ARIH1: variants seen among roughly 807,000 people sequenced by gnomAD.
The protein encoded by ARIH1 is ariadne RBR E3 ubiquitin protein ligase 1.
Under a neutral mutation model 85.0 loss-of-function variants are expected in ARIH1, and 8 were observed. That is an observed-to-expected ratio of 0.09 (90% CI 0.06 to 0.17). The LOEUF (loss-of-function observed/expected upper bound fraction) is 0.17. ARIH1 is among the 10% of genes least tolerant of loss of function. The pLI is 1.00. For missense variants in ARIH1, 311 were observed against 718.1 expected, an observed-to-expected ratio of 0.43 and a Z score of 6.48; for synonymous variants, 238 against 253.6, an observed-to-expected ratio of 0.94 and a Z score of 0.59.
intron 2 of ARIH1, among the ~76,000 whole-genome samples, chr15:72,537,031 A>T (rs1447925731): frequency 6.6e-6 from 1 of 151,942 alleles, no homozygotes; most frequent in Non-Finnish European, 1.5e-5. Context: ...TTTTTTAGAG[A>T]TTAGCTTAAG....
chr15:72,561,941 C>T (rs542811075), intron 6 of ARIH1, among the ~76,000 whole-genome samples: 1 of 152,054 alleles, frequency 6.6e-6, no homozygotes, highest in African/African-American at 2.4e-5. Flanking sequence ...CCACTGCACT[C>T]CAGCCTGGGT....
intron 2 of ARIH1, among the ~76,000 whole-genome samples, chr15:72,522,484 C>A (rs2064004686): frequency 2.0e-5 from 3 of 151,838 alleles, no homozygotes; most frequent in African/African-American, 7.3e-5. Flanking sequence ...TGTGCCATTG[C>A]ACTACAGCCT....
At chr15:72,508,971 G>A (rs549783032) in intron 1 of ARIH1, among the ~76,000 whole-genome samples, 2 of 151,400 alleles carry the variant, frequency 1.3e-5, no homozygotes, top group East Asian at 1.9e-4. Flanking sequence ...TGGGATTACA[G>A]GTGTGAGCCA....
intron 2 of ARIH1, among the ~76,000 whole-genome samples, chr15:72,522,140 A>G (rs1247863397): frequency 6.6e-6 from 1 of 152,216 alleles, no homozygotes; most frequent in Non-Finnish European, 1.5e-5. Context: ...TTAAATAATG[A>G]GAATACAAAG....
intron 2 of ARIH1, among the ~76,000 whole-genome samples, chr15:72,540,905 A>T (rs751277155): frequency 2.0e-4 from 30 of 152,346 alleles, no homozygotes; most frequent in Middle Eastern, 6.8e-3. Flanking sequence ...AGTACATGCT[A>T]TCTAAAGCAC....
intron 2 of ARIH1, among the ~76,000 whole-genome samples, chr15:72,539,293 A>G (rs980783538): frequency 2.0e-5 from 3 of 152,222 alleles, no homozygotes; most frequent in Non-Finnish European, 2.9e-5. Flanking sequence ...CTATTCTTCT[A>G]TGCCTGGACT....
At chr15:72,511,196 TTATACC>T (rs2063949207) in intron 1 of ARIH1, among the ~76,000 whole-genome samples, 1 of 152,230 alleles carries the variant, frequency 6.6e-6, no homozygotes, top group East Asian at 1.9e-4. Context: ...CATATTAAAT[TTATACC>T]TATGTATTTC....
At chr15:72,487,601 T>C (rs762763985) in intron 1 of ARIH1, among the ~76,000 whole-genome samples, 1 of 152,198 alleles carries the variant, frequency 6.6e-6, no homozygotes, top group Non-Finnish European at 1.5e-5. Flanking sequence ...AGAACCATTC[T>C]TGGGATTTGA....
chr15:72,583,414 C>G lies in ARIH1; in HGVS notation c.*122C>G, dbSNP rs1351016894. ...ATTCTGACACCACTGGTCTGTAGTA[C>G]CAGAATTGTTTTGTTAATGGAAAGT... On this transcript the variant is annotated 3_prime_UTR_variant, in exon 14 of 14. Transcript: ENST00000379887. The G allele has an allele frequency of 1.5e-6, 1 of 655,164 alleles. No individual in the cohort carries two copies. The highest frequency in any genetic ancestry group is 2.6e-6 in the Non-Finnish European group (1 of 386,514). 40.6% of individuals were successfully genotyped at this position (655,164 alleles called of 1,614,324 possible).
chr15:72,554,331 T>C (rs1370156807), intron 3 of ARIH1, among the ~76,000 whole-genome samples: 3 of 152,188 alleles, frequency 2.0e-5, no homozygotes, highest in Non-Finnish European at 4.4e-5. Context: ...TACATTTCCA[T>C]CAACAGTGTA....
chr15:72,515,443 T>C (rs1238700337), intron 1 of ARIH1, among the ~76,000 whole-genome samples: 1 of 152,264 alleles, frequency 6.6e-6, no homozygotes, highest in East Asian at 1.9e-4. Flanking sequence ...GATTATCTTC[T>C]GCTTTAAGAA....
Position 72,550,501 on chromosome 15 carries a change from C to A in ARIH1, c.589-4770C>A, listed in dbSNP as rs1304854610. 8.3e-4 allele frequency among the ~76,000 whole-genome samples: 126 copies of A among 152,206 alleles called. 1 individual carries two copies. The highest frequency in any genetic ancestry group is 1.6e-4 in the Non-Finnish European group (11 of 68,004). On this transcript the variant is annotated intron_variant, in intron 3 of 13. Coordinates refer to ENST00000379887, the MANE Select transcript of ARIH1 (RefSeq NM_005744.5). Reference sequence around the variant, plus strand: ...TATTTGTGTCTTTTACAGAATACCCCTTCCTTTAACAGCCTTAAAAATCAA... The same window carrying A: ...TATTTGTGTCTTTTACAGAATACCCATTCCTTTAACAGCCTTAAAAATCAA...
rs534271262 is a variant in ARIH1, at chr15:72,499,479, G to C, written c.376-18588G>C. Among the ~76,000 whole-genome samples the C allele has an allele frequency of 4.6e-5, 7 of 152,104 alleles. No individual in the cohort carries two copies. The South Asian group carries it at 1.2e-3, about 27-fold the overall frequency. The stretch of plus-strand genomic sequence containing the variant: ...AGAACCCCACTTTATGCCAGCTATA[G>C]TTATATGTTATCAAAATATTTTTGT... On this transcript the variant is annotated intron_variant, in intron 1 of 13. Transcript: ENST00000379887.
intron 2 of ARIH1, 122 bp downstream of exon 2, chr15:72,518,256 A>C: frequency 1.4e-6 from 1 of 697,022 alleles, no homozygotes; most frequent in South Asian, 2.1e-5. Context: ...CCCAGTGTGC[A>C]ACTAGTGACT....
intron 1 of ARIH1, among the ~76,000 whole-genome samples, chr15:72,517,429 A>T (rs931471895): frequency 6.1e-5 from 9 of 146,526 alleles, no homozygotes; most frequent in Admixed American, 6.8e-5. Flanking sequence ...TTTAAAACAA[A>T]TTTTTTTTTT....
At chr15:72,489,664 T>C (rs2063851333) in intron 1 of ARIH1, among the ~76,000 whole-genome samples, 1 of 152,212 alleles carries the variant, frequency 6.6e-6, no homozygotes, top group Non-Finnish European at 1.5e-5. Context: ...ATGAAAACAT[T>C]TGTGTGTGCT....
chr15:72,530,208 GT>G (rs2064049739), intron 2 of ARIH1, among the ~76,000 whole-genome samples: 1 of 152,196 alleles, frequency 6.6e-6, no homozygotes, highest in South Asian at 2.1e-4. Flanking sequence ...ACTGAAACAT[GT>G]TTGAAAAGTA....
At chr15:72,493,701 GA>G (rs1273558584) in intron 1 of ARIH1, among the ~76,000 whole-genome samples, 1 of 152,046 alleles carries the variant, frequency 6.6e-6, no homozygotes, top group Non-Finnish European at 1.5e-5. Flanking sequence ...AAAGAATATT[GA>G]AATTGCATTG....
chr15:72,529,210 G>A (rs1406150113), intron 2 of ARIH1, among the ~76,000 whole-genome samples: 3 of 151,814 alleles, frequency 2.0e-5, no homozygotes, highest in Admixed American at 6.6e-5. Context: ...AAAAAAAAAA[G>A]CAAATGTACT....
Sources: allele counts gnomAD v4.1 joint callset (sites outside exome capture counted in the v4.1 genomes callset), GRCh38; gene constraint gnomAD v4.1.1; transcripts MANE v1.5; gene names NCBI Gene and HGNC (gene_info 2026-07-23, HGNC 2026-07-21).